The following CDH23 variants were observed in gnomAD, a reference collection of about 807,000 sequenced individuals.
CDH23 encodes the protein cadherin related 23.
In CDH23, 189 loss-of-function variants were observed where a neutral mutation model predicts 317.1. The observed-to-expected ratio is 0.60, with a 90% CI of 0.53 to 0.67. The LOEUF is 0.67. Ranked by LOEUF, CDH23 falls within the 30% of genes least tolerant of loss-of-function variation. The pLI is 0.00. For synonymous variants in CDH23, 1,839 were observed against 1,876.8 expected, an observed-to-expected ratio of 0.98 and a Z score of 0.52; for missense variants, 4,401 against 4,592.4, an observed-to-expected ratio of 0.96 and a Z score of 1.20.
intron 3 of CDH23, among the ~76,000 whole-genome samples, chr10:71,477,262 A>G (rs934819175): frequency 2.0e-5 from 3 of 152,102 alleles, no homozygotes; most frequent in Non-Finnish European, 4.4e-5. Flanking sequence ...TCCGCCTCCC[A>G]GGTTCAAGCG....
chr10:71,806,970 G>A (rs1489917259), intron 57 of CDH23, among the ~76,000 whole-genome samples: 2 of 152,212 alleles, frequency 1.3e-5, no homozygotes, highest in African/African-American at 4.8e-5. Context: ...GTGCACATGG[G>A]ATGTGATGTT....
Position 71,652,400 on chromosome 10 carries a change from G to A in CDH23, c.1449+5783G>A, listed in dbSNP as rs1224717188. The stretch of plus-strand genomic sequence containing the variant: ...GAAATGGGAAAGTAGTGCCTGCGCA[G>A]CCTGCAGTGCTGGGTTGTTGGGAGA... On this transcript the variant is annotated intron_variant, in intron 14 of 69. Coordinates refer to ENST00000224721, the MANE Select transcript of CDH23 (RefSeq NM_022124.6). Among the ~76,000 whole-genome samples the A allele has an allele frequency of 2.0e-5, 3 of 152,362 alleles. No homozygotes were observed. In the East Asian group the frequency reaches 5.8e-4, roughly 29 times the overall value.
rs762720558 is a variant in CDH23, at chr10:71,738,518, C to T, written c.4230C>T (p.Asp1410=). 2.7e-5 allele frequency: 43 copies of T among 1,613,970 alleles called. No individual in the cohort carries two copies. The East Asian group carries it at 5.1e-4, about 19-fold the overall frequency. Residue 1410 remains aspartate (D), a synonymous_variant, in exon 35 of 70, where the codon GAC becomes GAT. Transcript: ENST00000224721. ...CTCAGGTCTACATCACTGTGCTGGACGAGAATGACAACAGCCCCCGGTTTG... is the reference window on the plus strand; with the variant it reads ...CTCAGGTCTACATCACTGTGCTGGATGAGAATGACAACAGCCCCCGGTTTG... ...STVKVYITVL[D]ENDNSPRFDF...
At chr10:71,668,888 C>G (rs1864025122) in intron 14 of CDH23, among the ~76,000 whole-genome samples, 1 of 152,232 alleles carries the variant, frequency 6.6e-6, no homozygotes, top group Non-Finnish European at 1.5e-5. Flanking sequence ...AAGAAAATTA[C>G]ACTTCTGCCG....
intron 38 of CDH23, chr10:71,749,312 T>A (rs1426057101): frequency 6.6e-6 from 1 of 152,320 alleles, no homozygotes; most frequent in Non-Finnish European, 1.5e-5. Flanking sequence ...TTCTTTCTTT[T>A]TAAAATTTGT....
intron 11 of CDH23, among the ~76,000 whole-genome samples, chr10:71,632,630 G>A (rs1391865954): frequency 6.6e-6 from 1 of 152,088 alleles, no homozygotes; most frequent in Non-Finnish European, 1.5e-5. Context: ...TGGGGGAGGG[G>A]CTAGATGGAG....
chr10:71,684,214 T>G (rs537254428), intron 18 of CDH23, among the ~76,000 whole-genome samples: 1 of 151,930 alleles, frequency 6.6e-6, no homozygotes, highest in African/African-American at 2.4e-5. Context: ...GACTGGCACT[T>G]TACCCCATGG....
At chr10:71,421,266 C>G (rs55947770) in intron 1 of CDH23, among the ~76,000 whole-genome samples, 2,827 of 152,344 alleles carry the variant, frequency 0.019, 89 homozygotes, top group African/African-American at 0.064. Flanking sequence ...CTCCTGCTCC[C>G]TGCCCAGCCC....
intron 3 of CDH23, among the ~76,000 whole-genome samples, chr10:71,508,664 T>A (rs1853779921): frequency 1.3e-5 from 2 of 152,058 alleles, no homozygotes; most frequent in African/African-American, 4.8e-5. Context: ...AATGTGAGAG[T>A]CAGTATTTGG....
intron 23 of CDH23, 112 bp downstream of exon 23, chr10:71,702,323 C>A: frequency 2.4e-6 from 3 of 1,262,626 alleles, no homozygotes; most frequent in South Asian, 1.3e-5. Context: ...GTCTGATCAC[C>A]AAGAGTAGAG....
intron 38 of CDH23, among the ~76,000 whole-genome samples, chr10:71,775,304 A>G (rs745663803): frequency 2.6e-5 from 4 of 152,162 alleles, no homozygotes; most frequent in Non-Finnish European, 4.4e-5. Flanking sequence ...GGCTTTGCTC[A>G]GGACACCCTT....
rs373639024 is a variant in CDH23 at position 71,790,046 on chromosome 10, C to T, written c.5924-242C>T. On this transcript the variant is annotated intron_variant, in intron 45 of 69. Transcript: ENST00000224721. ...GAAGGCAGATGTGGCTCTGGGCAGC[C>T]GGGGCCTTGCTCACCACTCTCATGT... 8.3e-4 allele frequency among the ~76,000 whole-genome samples: 127 copies of T among 152,308 alleles called. 1 individual carries two copies. The East Asian group carries it at 0.014, about 17-fold the overall frequency.
At chr10:71,752,855 G>T (rs1235244863) in intron 38 of CDH23, 1 of 1,213,076 alleles carries the variant, frequency 8.2e-7, no homozygotes, top group Non-Finnish European at 1.1e-6. Context: ...GCAGCAGATG[G>T]CAGAGGCTCT....
intron 27 of CDH23, chr10:71,711,944 A>T (rs1319997936): frequency 1.3e-5 from 2 of 152,206 alleles, no homozygotes; most frequent in Non-Finnish European, 2.9e-5. Context: ...ATTTGCCACG[A>T]CAAACTACCA....
intron 32 of CDH23, among the ~76,000 whole-genome samples, chr10:71,733,845 G>A (rs191283207): frequency 1.1e-3 from 167 of 152,332 alleles, no homozygotes; most frequent in African/African-American, 3.8e-3. Flanking sequence ...AACGTGACAG[G>A]CCTTGTCCTA....
At chr10:71,460,921 C>T (rs1850947967) in intron 3 of CDH23, among the ~76,000 whole-genome samples, 1 of 152,228 alleles carries the variant, frequency 6.6e-6, no homozygotes, top group African/African-American at 2.4e-5. Context: ...ACACCTGTCT[C>T]CCCGACGAGT....
At chr10:71,599,308 G>A (rs1860064113) in intron 9 of CDH23, among the ~76,000 whole-genome samples, 1 of 152,116 alleles carries the variant, frequency 6.6e-6, no homozygotes, top group Non-Finnish European at 1.5e-5. Context: ...TGTGAGCGCT[G>A]AGCAGAAAAG....
chr10:71,742,442 G>A (rs956852194), intron 38 of CDH23, among the ~76,000 whole-genome samples: 5 of 152,226 alleles, frequency 3.3e-5, no homozygotes, highest in African/African-American at 4.8e-5. Flanking sequence ...CGAATGAACA[G>A]CACCACTGCC....
chr10:71,436,906 C>T (rs531963886), intron 1 of CDH23, among the ~76,000 whole-genome samples: 60 of 152,316 alleles, frequency 3.9e-4, no homozygotes, highest in Non-Finnish European at 7.3e-4. Flanking sequence ...CCCAATGCCT[C>T]GGTTTCTCCA....
Sources: gnomAD v4.1 joint callset for allele counts (sites outside exome capture counted in the v4.1 genomes callset) on GRCh38, gnomAD v4.1.1 for gene constraint, MANE v1.5 for transcripts, NCBI Gene and HGNC (gene_info 2026-07-23, HGNC 2026-07-21) for gene names.